Variants in ZFP62 observed in about 807,000 individuals in gnomAD.
The protein encoded by ZFP62 is zinc finger protein 62 homolog.
A neutral mutation model predicts 56.4 loss-of-function variants in ZFP62; 44 were observed. That is an observed-to-expected ratio of 0.78 (90% CI 0.61 to 1.00). ZFP62 has a LOEUF of 1.00. Ranked by LOEUF, ZFP62 falls within the 50% of genes least tolerant of loss-of-function variation. The pLI is 0.00. For missense variants in ZFP62, 1,030 were observed against 1,085.7 expected (o/e 0.95, Z 0.72); for synonymous variants, 421 against 388.9 (o/e 1.08, Z -0.97).
chr5:180,855,355 CTGT>C (rs1448749672), intron 1 of ZFP62, among the ~76,000 whole-genome samples: 2 of 152,182 alleles, frequency 1.3e-5, no homozygotes, highest in Non-Finnish European at 2.9e-5. Context: ...ATCCTACTGC[CTGT>C]TGTATCTGGA....
the ZFP62 span, among the ~76,000 whole-genome samples, chr5:180,833,702 G>A: frequency 2.8e-5 from 4 of 145,442 alleles, no homozygotes; most frequent in African/African-American, 7.7e-5. Flanking sequence ...ATGGAGTCTC[G>A]CTCTATTGCC....
In ZFP62 at chr5:180,848,070, A is replaced by G; in HGVS notation, c.*722T>C. The G allele has an allele frequency of 2.0e-6, 2 of 985,348 alleles. No individual in the cohort carries two copies. Among genetic ancestry groups the G allele is most frequent in the Non-Finnish European group, 2.4e-6 (2 of 829,898 alleles). The allele number at this position is 985,348 out of a possible 1,614,324, so 61.0% of individuals were successfully genotyped here. ...TCACAAATTCATCATTCATTATGGG[A>G]GTTCATCTGAAACTTTAAAAAAGTT... On this transcript the variant is annotated 3_prime_UTR_variant, in exon 2 of 2. Transcript: ENST00000502412.
chr5:180,833,682 T>C, the ZFP62 span, among the ~76,000 whole-genome samples: 4 of 151,464 alleles, frequency 2.6e-5, 1 homozygote, highest in Admixed American at 1.3e-4. Context: ...ATTTTTTTTT[T>C]TTTTTTGAGA....
At chr5:180,838,208 G>C in the ZFP62 span, among the ~76,000 whole-genome samples, 1 of 152,124 alleles carries the variant, frequency 6.6e-6, no homozygotes, top group Non-Finnish European at 1.5e-5. Context: ...CTAGGTGTTG[G>C]AGCCCAAGCA....
Position 180,848,222 on chromosome 5 carries a change from A to G in ZFP62, c.*570T>C, listed in dbSNP as rs538518345. On this transcript the variant is annotated 3_prime_UTR_variant, in exon 2 of 2. Transcript: ENST00000502412. ...CTACTTTTCCTAAAAGGAAATCCAAATTTTGTTTCAGAAGTCATCATCACT... is the reference window on the plus strand; with the variant it reads ...CTACTTTTCCTAAAAGGAAATCCAAGTTTTGTTTCAGAAGTCATCATCACT... 6 of 985,434 alleles carry G rather than the reference A, an allele frequency of 6.1e-6. No individual in the cohort carries two copies. The East Asian group carries it at 3.4e-4, about 56-fold the overall frequency. The allele number at this position is 985,434 out of a possible 1,614,324, so 61.0% of individuals were successfully genotyped here. A position where few individuals can be genotyped will look rare whatever the true frequency, so the allele number is the denominator to read the frequency against.
intron 1 of ZFP62, 75 bp downstream of exon 1, chr5:180,861,144 G>A (rs1756056554): frequency 7.5e-6 from 3 of 398,782 alleles, no homozygotes; most frequent in East Asian, 3.6e-5. Context: ...GAGCAGCCAA[G>A]ACCCGGCCAA....
chr5:180,860,143 A>C (rs988185561), intron 1 of ZFP62, among the ~76,000 whole-genome samples: 2 of 152,240 alleles, frequency 1.3e-5, no homozygotes, highest in African/African-American at 2.4e-5. Context: ...AAGGATTTCT[A>C]TCACCTGTGT....
At chr5:180,829,376 TC>T in the ZFP62 span, among the ~76,000 whole-genome samples, 1 of 152,258 alleles carries the variant, frequency 6.6e-6, no homozygotes, top group Non-Finnish European at 1.5e-5. Flanking sequence ...TTGTTCCTAC[TC>T]CCTGTTCGTA....
chr5:180,833,820 G>A, the ZFP62 span, among the ~76,000 whole-genome samples: 7 of 151,896 alleles, frequency 4.6e-5, no homozygotes, highest in East Asian at 5.9e-4. Context: ...ACAGGTATGC[G>A]CCACCACACC....
the ZFP62 span, among the ~76,000 whole-genome samples, chr5:180,836,088 G>A: frequency 2.0e-5 from 3 of 152,244 alleles, no homozygotes; most frequent in South Asian, 2.1e-4. Context: ...CAGCCCCGGC[G>A]CATTAGGCCA....
chr5:180,827,914 A>G, the ZFP62 span, among the ~76,000 whole-genome samples: 4 of 152,244 alleles, frequency 2.6e-5, no homozygotes, highest in Non-Finnish European at 4.4e-5. Context: ...ATGTGTATGC[A>G]TATCTAAAAG....
At chr5:180,860,296 CT>C (rs1561912264) in intron 1 of ZFP62, among the ~76,000 whole-genome samples, 1 of 152,138 alleles carries the variant, frequency 6.6e-6, no homozygotes, top group African/African-American at 2.4e-5. Context: ...TCACTGGTAA[CT>C]TTTTATATTT....
Position 180,849,400 on chromosome 5 carries a change from T to C in ZFP62, c.2095A>G (p.Thr699Ala), listed in dbSNP as rs1166951290. 16 of 1,551,034 alleles carry C rather than the reference T, an allele frequency of 1.0e-5. No homozygotes were observed. Among genetic ancestry groups the C allele is most frequent in the Non-Finnish European group, 1.4e-5 (16 of 1,146,638 alleles). Residue 699 changes from threonine to alanine, a missense_variant, in exon 2 of 2, where the codon ACA becomes GCA. Coordinates refer to ENST00000502412, the MANE Select transcript of ZFP62 (RefSeq NM_001172638.2). ...INHKSTHPGR[T>A]PHTCDECGKA... is the part of the protein sequence containing the mutation. ...CCACATTCATCACATGTATGGGGTGTCCTGCCAGGGTGGGTACTCTTATGG... is the reference window on the plus strand; with the variant it reads ...CCACATTCATCACATGTATGGGGTGCCCTGCCAGGGTGGGTACTCTTATGG...
At chr5:180,831,460 G>T in the ZFP62 span, 1 of 151,990 alleles carries the variant, frequency 6.6e-6, no homozygotes, top group Admixed American at 6.5e-5. Context: ...TGCCCAGGCT[G>T]GAGGGCAATG....
the ZFP62 span, among the ~76,000 whole-genome samples, chr5:180,833,824 C>T: frequency 1.3e-5 from 2 of 152,016 alleles, no homozygotes; most frequent in African/African-American, 4.8e-5. Context: ...GTATGCGCCA[C>T]CACACCTGGC....
chr5:180,853,246 G>A (rs995559297), intron 1 of ZFP62, among the ~76,000 whole-genome samples: 2 of 152,210 alleles, frequency 1.3e-5, no homozygotes, highest in South Asian at 4.1e-4. Context: ...GAAAAAGGAC[G>A]AGGAGCGCTT....
chr5:180,827,622 A>T, the ZFP62 span, among the ~76,000 whole-genome samples: 1 of 152,302 alleles, frequency 6.6e-6, no homozygotes, highest in East Asian at 1.9e-4. Flanking sequence ...TCCCCATGTG[A>T]TAGTCTGCAA....
chr5:180,831,137 G>T, the ZFP62 span: 1 of 154,016 alleles, frequency 6.5e-6, no homozygotes, highest in South Asian at 1.9e-4. Context: ...CTCCTCGCGG[G>T]GGTGGACGGG....
the ZFP62 span, chr5:180,831,343 G>A: frequency 6.6e-6 from 1 of 152,256 alleles, no homozygotes; most frequent in African/African-American, 2.4e-5. Context: ...CGCCTCGGAG[G>A]GAAACCTTCC....
Sources: gnomAD v4.1 joint callset for allele counts (sites outside exome capture counted in the v4.1 genomes callset) on GRCh38, gnomAD v4.1.1 for gene constraint, MANE v1.5 for transcripts, NCBI Gene and HGNC (gene_info 2026-07-23, HGNC 2026-07-21) for gene names.